The following SIK2 variants were observed in gnomAD, a reference collection of about 807,000 sequenced individuals.
SIK2 encodes the protein salt inducible kinase 2, also known as serine/threonine-protein kinase SIK2.
SIK2 carries 29 observed loss-of-function variants against 103.2 expected under a neutral mutation model. The observed-to-expected ratio is 0.28, with a 90% CI of 0.21 to 0.38. The LOEUF is 0.38. SIK2 is among the 10% of genes least tolerant of loss of function. The pLI is 1.00. For synonymous variants in SIK2, 412 were observed against 446.1 expected, an observed-to-expected ratio of 0.92 and a Z score of 0.96; for missense variants, 879 against 1,171.0, an observed-to-expected ratio of 0.75 and a Z score of 3.64.
rs949056723 is a variant in SIK2 at position 111,722,081 on chromosome 11, T to TG, written c.2055+143dup. The TG allele has an allele frequency of 1.7e-6, 1 of 573,448 alleles. No homozygotes were observed. Among genetic ancestry groups the TG allele is most frequent in the Non-Finnish European group, 2.9e-6 (1 of 345,216 alleles). 35.5% of individuals were successfully genotyped at this position (573,448 alleles called of 1,614,324 possible). A position where few individuals can be genotyped will look rare whatever the true frequency, so the allele number is the denominator to read the frequency against. The stretch of plus-strand genomic sequence containing the variant: ...AGGCAAGTAGCTTTGACTCTGTACT[T>TG]GGAGTTTCTAGAAACGTGTTCAGAT... On this transcript the variant is annotated intron_variant, in intron 13 of 14. Coordinates refer to ENST00000304987, the MANE Select transcript of SIK2 (RefSeq NM_015191.3). The surrounding 1 kb of genome is among the most constrained non-coding windows in gnomAD (Gnocchi z 4.4).
At chr11:111,720,386 G>A in intron 10 of SIK2, 92 bp from the exon 11 acceptor site, 1 of 1,265,520 alleles carries the variant, frequency 7.9e-7, no homozygotes, top group Non-Finnish European at 1.1e-6. Flanking sequence ...GGACATGGTA[G>A]CTGTCAAAAC....
chr11:111,686,039 G>A (rs1942841429), intron 3 of SIK2, among the ~76,000 whole-genome samples: 1 of 152,136 alleles, frequency 6.6e-6, no homozygotes, highest in African/African-American at 2.4e-5. Flanking sequence ...TCTATAAAAT[G>A]GGAATTGAGT....
At chr11:111,642,276 C>T (rs74881057) in intron 3 of SIK2, among the ~76,000 whole-genome samples, 1 of 152,164 alleles carries the variant, frequency 6.6e-6, no homozygotes, top group Non-Finnish European at 1.5e-5. Flanking sequence ...CAAGACTGCC[C>T]TCACATCAGA....
intron 2 of SIK2, 78 bp from the exon 3 acceptor site, chr11:111,620,261 A>G (rs1941865268): frequency 1.1e-6 from 1 of 923,702 alleles, no homozygotes; most frequent in Non-Finnish European, 1.7e-6. Flanking sequence ...AGTAGTTTCA[A>G]TTTAGGTAAC....
rs531215712 is a variant in SIK2 at position 111,726,741 on chromosome 11, C to T, written c.*2612C>T. Reference sequence around the variant, plus strand: ...ACAAAACACTAAGAAGGCTTAGTATCGCTCTTTTTCTGCGGGGCTACTCTG... The same window carrying T: ...ACAAAACACTAAGAAGGCTTAGTATTGCTCTTTTTCTGCGGGGCTACTCTG... On this transcript the variant is annotated 3_prime_UTR_variant, in exon 15 of 15. Coordinates refer to ENST00000304987, the MANE Select transcript of SIK2 (RefSeq NM_015191.3). The T allele has an allele frequency of 1.2e-5, 7 of 560,366 alleles. No homozygotes were observed. Among genetic ancestry groups the T allele is most frequent in the South Asian group, 2.4e-5 (1 of 42,330 alleles). The allele number at this position is 560,366 out of a possible 1,614,324, so 34.7% of individuals were successfully genotyped here. A position where few individuals can be genotyped will look rare whatever the true frequency, so the allele number is the denominator to read the frequency against.
At chr11:111,702,832 A>G (rs762735114) in intron 6 of SIK2, among the ~76,000 whole-genome samples, 3 of 152,222 alleles carry the variant, frequency 2.0e-5, no homozygotes, top group Admixed American at 2.0e-4. Flanking sequence ...ACGTAGCCTT[A>G]GTATATCAGC....
chr11:111,628,833 T>C (rs1942000474), intron 3 of SIK2, among the ~76,000 whole-genome samples: 4 of 152,200 alleles, frequency 2.6e-5, no homozygotes. Context: ...ACACAATCTT[T>C]TGAATCTCTT....
chr11:111,647,714 CATT>C (rs1204376319), intron 3 of SIK2, among the ~76,000 whole-genome samples: 2 of 151,480 alleles, frequency 1.3e-5, no homozygotes, highest in Non-Finnish European at 2.9e-5. Context: ...AAATACAAAA[CATT>C]ATTAGCCGGG....
intron 3 of SIK2, among the ~76,000 whole-genome samples, chr11:111,620,932 T>A (rs952714209): frequency 6.6e-6 from 1 of 152,240 alleles, no homozygotes; most frequent in Admixed American, 6.5e-5. Flanking sequence ...GATTGGTGTT[T>A]ATGATTCATT....
Position 111,728,915 on chromosome 11 carries a change from C to T in SIK2, c.*4786C>T, listed in dbSNP as rs373914137. 19 of 146,884 alleles carry T rather than the reference C, an allele frequency of 1.3e-4. No homozygotes were observed. In the East Asian group the frequency reaches 2.6e-3, roughly 20 times the overall value. The allele number at this position is 146,884 out of a possible 1,614,324, so 9.1% of individuals were successfully genotyped here. A position where few individuals can be genotyped will look rare whatever the true frequency, so the allele number is the denominator to read the frequency against. ...CTCCAGCCTGGGCGACAGAGCAAGA[C>T]TCCACCTCAAAAAAAAAAAAAAAGA... On this transcript the variant is annotated 3_prime_UTR_variant, in exon 15 of 15. Transcript: ENST00000304987.
At chr11:111,628,863 A>G (rs1483486881) in intron 3 of SIK2, among the ~76,000 whole-genome samples, 4 of 152,036 alleles carry the variant, frequency 2.6e-5, no homozygotes, top group East Asian at 1.9e-4. Context: ...CCCTATCCCT[A>G]TATGTAAGAG....
chr11:111,677,504 G>A (rs1174369366), intron 3 of SIK2, among the ~76,000 whole-genome samples: 2 of 151,372 alleles, frequency 1.3e-5, no homozygotes, highest in African/African-American at 2.4e-5. Flanking sequence ...TGCAACCTCC[G>A]CCTCCCAGGT....
chr11:111,675,755 A>T (rs1046379330), intron 3 of SIK2, among the ~76,000 whole-genome samples: 17 of 152,106 alleles, frequency 1.1e-4, no homozygotes, highest in Non-Finnish European at 2.5e-4. Flanking sequence ...TCTTTCTTCC[A>T]ATTTTTATGT....
intron 1 of SIK2, among the ~76,000 whole-genome samples, chr11:111,613,558 T>C (rs1257709876): frequency 6.6e-6 from 1 of 152,214 alleles, no homozygotes; most frequent in Non-Finnish European, 1.5e-5. Flanking sequence ...AATAATGGAT[T>C]GTATCATACT....
intron 1 of SIK2, among the ~76,000 whole-genome samples, chr11:111,607,138 T>C (rs1325222195): frequency 6.6e-6 from 1 of 152,182 alleles, no homozygotes; most frequent in Non-Finnish European, 1.5e-5. Flanking sequence ...TGTGGAATCA[T>C]AAAGATATTT....
At chr11:111,670,693 G>T (rs148159850) in intron 3 of SIK2, among the ~76,000 whole-genome samples, 2 of 152,288 alleles carry the variant, frequency 1.3e-5, no homozygotes, top group East Asian at 1.9e-4. Context: ...AATTATAAAA[G>T]AATCATAATT....
rs560088966 is a variant in SIK2, at chr11:111,705,435, G to C, written c.1101+296G>C. Among the ~76,000 whole-genome samples, 4 of 152,068 alleles carry C rather than the reference G, an allele frequency of 2.6e-5. No homozygotes were observed. The highest frequency in any genetic ancestry group is 9.7e-5 in the African/African-American group (4 of 41,382). ...CAAATTTTTATTACAGATTTACCACGTGCGAGCTTCTATTCTTAGGCACTG... is the reference window on the plus strand; with the variant it reads ...CAAATTTTTATTACAGATTTACCACCTGCGAGCTTCTATTCTTAGGCACTG... On this transcript the variant is annotated intron_variant, in intron 8 of 14. Transcript: ENST00000304987. This position sits in a 1 kb window ranked among gnomAD's most constrained non-coding sequence, Gnocchi z 4.3.
chr11:111,703,094 G>A lies in SIK2; in HGVS notation c.728-109G>A, dbSNP rs1265189118. 4.5e-6 allele frequency: 4 copies of A among 894,500 alleles called. No homozygotes were observed. The African/African-American group carries it at 6.6e-5, about 15-fold the overall frequency. The allele number at this position is 894,500 out of a possible 1,614,324, so 55.4% of individuals were successfully genotyped here. On this transcript the variant is annotated intron_variant, in intron 6 of 14. Coordinates refer to ENST00000304987, the MANE Select transcript of SIK2 (RefSeq NM_015191.3). ...TATTCATTTGACCTTCTGCTTTCCA[G>A]TAGAGGATACAAAGATTAACACCCT...
Position 111,602,829 on chromosome 11 carries a change from C to A in SIK2, c.135+131C>A, listed in dbSNP as rs1669155984. 7.6e-6 allele frequency: 10 copies of A among 1,324,096 alleles called. No individual in the cohort carries two copies. Among genetic ancestry groups the A allele is most frequent in the Non-Finnish European group, 9.8e-6 (10 of 1,024,376 alleles). 82.0% of individuals were successfully genotyped at this position (1,324,096 alleles called of 1,614,324 possible). ...CGCCTCACTGGCGGAGGCGAGCGGG[C>A]CTGGGACTGTGAGGACCCAGGAGGT... On this transcript the variant is annotated intron_variant, in intron 1 of 14. Coordinates refer to ENST00000304987, the MANE Select transcript of SIK2 (RefSeq NM_015191.3). This position sits in a 1 kb window ranked among gnomAD's most constrained non-coding sequence, Gnocchi z 4.5.
Sources: allele counts gnomAD v4.1 joint callset (sites outside exome capture counted in the v4.1 genomes callset), GRCh38; gene constraint gnomAD v4.1.1; non-coding constraint Gnocchi (gnomAD v3.1); transcripts MANE v1.5; gene names NCBI Gene and HGNC (gene_info 2026-07-23, HGNC 2026-07-21).